The following MDGA2 variants were observed in gnomAD, a reference collection of about 807,000 sequenced individuals.
The protein encoded by MDGA2 is MAM domain-containing glycosylphosphatidylinositol anchor protein 2.
A neutral mutation model predicts 117.8 loss-of-function variants in MDGA2; 40 were observed. The ratio of observed to expected loss-of-function variants is 0.34; its 90% CI spans 0.26 to 0.44. MDGA2 has a LOEUF of 0.44. Ranked by LOEUF, MDGA2 falls within the 20% of genes least tolerant of loss-of-function variation. The pLI, the probability that MDGA2 is intolerant of heterozygous loss-of-function variation, is 1.00. For synonymous variants in MDGA2, 452 were observed against 439.0 expected (o/e 1.03, Z -0.37); for missense variants, 1,123 against 1,250.6 (o/e 0.90, Z 1.54).
chr14:47,552,250 G>A (rs1231443356), intron 1 of MDGA2, among the ~76,000 whole-genome samples: 1 of 152,066 alleles, frequency 6.6e-6, no homozygotes, highest in Non-Finnish European at 1.5e-5. Flanking sequence ...TACCACCTTT[G>A]ACTGTCGTAT....
chr14:47,534,336 G>C lies in MDGA2; in HGVS notation c.280+140181C>G, dbSNP rs576423867. 3.9e-5 allele frequency among the ~76,000 whole-genome samples: 6 copies of C among 152,282 alleles called. No homozygotes were observed. In the South Asian group the frequency reaches 1.2e-3, roughly 32 times the overall value. The stretch of plus-strand genomic sequence containing the variant: ...TGGCTTTAGATTCAATAGCTTTGGT[G>C]CCAACAAAAATAGCAGCTGTATTAG... On this transcript the variant is annotated intron_variant, in intron 1 of 16. Transcript: ENST00000399232.
chr14:47,033,434 G>A (rs1369185493), intron 8 of MDGA2, among the ~76,000 whole-genome samples: 1 of 152,154 alleles, frequency 6.6e-6, no homozygotes, highest in African/African-American at 2.4e-5. Context: ...TCAGAATTCT[G>A]TGTTTACCAA....
chr14:47,077,987 T>C (rs537730531), intron 6 of MDGA2, among the ~76,000 whole-genome samples: 3 of 152,184 alleles, frequency 2.0e-5, no homozygotes, highest in South Asian at 4.1e-4. Flanking sequence ...AACTGCTTAG[T>C]GTAGGCTTAA....
chr14:47,598,501 A>G (rs975228847), intron 1 of MDGA2, among the ~76,000 whole-genome samples: 4 of 152,222 alleles, frequency 2.6e-5, no homozygotes, highest in Non-Finnish European at 4.4e-5. Flanking sequence ...CCATAAAAAT[A>G]ATGAAATTTT....
At chr14:47,532,765 T>C (rs1418093561) in intron 1 of MDGA2, among the ~76,000 whole-genome samples, 1 of 152,216 alleles carries the variant, frequency 6.6e-6, no homozygotes, top group East Asian at 1.9e-4. Context: ...CAAAGTCATT[T>C]TTTAAGGGAA....
At chr14:46,930,631 G>A (rs1162434472) in intron 9 of MDGA2, among the ~76,000 whole-genome samples, 2 of 152,072 alleles carry the variant, frequency 1.3e-5, no homozygotes, top group African/African-American at 2.4e-5. Flanking sequence ...ATGAGAAAGA[G>A]TTAATCACTC....
At chr14:46,890,796 C>A (rs1045293473) in intron 10 of MDGA2, among the ~76,000 whole-genome samples, 1 of 151,888 alleles carries the variant, frequency 6.6e-6, no homozygotes, top group African/African-American at 2.4e-5. Context: ...TTAGTGACAA[C>A]CAAGGGAAAT....
Position 46,885,853 on chromosome 14 carries a change from G to A in MDGA2, c.2239-3632C>T, listed in dbSNP as rs144005789. Among the ~76,000 whole-genome samples, 12 of 152,218 alleles carry A rather than the reference G, an allele frequency of 7.9e-5. 1 individual carries two copies. The highest frequency in any genetic ancestry group is 2.4e-4 in the African/African-American group (10 of 41,542). ...GACGCTGCACATGCCTTGATTGTGC[G>A]TCACATCTGAAGGACTCTGAGTTTA... On this transcript the variant is annotated intron_variant, in intron 10 of 16. Transcript: ENST00000399232.
In MDGA2 at chr14:47,448,131, ATTTATTTTAT is replaced by A. The variant is rs1048022102; in HGVS notation, c.281-146591_281-146582del. Among the ~76,000 whole-genome samples, 466 of 148,366 alleles carry A rather than the reference ATTTATTTTAT, an allele frequency of 3.1e-3. 1 individual carries two copies. The highest frequency in any genetic ancestry group is 0.011 in the African/African-American group (440 of 40,396). On this transcript the variant is annotated intron_variant, in intron 1 of 16. Transcript: ENST00000399232. Reference sequence around the variant, plus strand: ...GCTTTATTTGAGGCCTACTTTATTTATTTATTTTATTTTATTTTATTTTATTTTATTTTTT... The same window carrying A: ...GCTTTATTTGAGGCCTACTTTATTTATTTATTTTATTTTATTTTATTTTTT...
At chr14:47,101,129 AT>A (rs1880296650) in intron 5 of MDGA2, among the ~76,000 whole-genome samples, 1 of 139,980 alleles carries the variant, frequency 7.1e-6, no homozygotes, top group Non-Finnish European at 1.6e-5. Context: ...AGATAGACAG[AT>A]AGATAGAAAG....
At chr14:47,203,428 T>A (rs1885579235) in intron 3 of MDGA2, among the ~76,000 whole-genome samples, 1 of 151,866 alleles carries the variant, frequency 6.6e-6, no homozygotes, top group African/African-American at 2.4e-5. Flanking sequence ...ACAGAGAATG[T>A]TTGAATACAC....
At chr14:46,859,844 T>G (rs67008272) in intron 14 of MDGA2, among the ~76,000 whole-genome samples, 1 of 151,954 alleles carries the variant, frequency 6.6e-6, no homozygotes. Context: ...TTACATATAA[T>G]GTAGTATATA....
chr14:47,661,196 T>C (rs541199963), intron 1 of MDGA2, among the ~76,000 whole-genome samples: 2 of 152,188 alleles, frequency 1.3e-5, no homozygotes, highest in South Asian at 2.1e-4. Context: ...TAAATAAGTA[T>C]AAATACAAGT....
intron 1 of MDGA2, among the ~76,000 whole-genome samples, chr14:47,520,265 C>G (rs1426671940): frequency 6.6e-6 from 1 of 152,174 alleles, no homozygotes; most frequent in Non-Finnish European, 1.5e-5. Context: ...AAAAGTCACT[C>G]TATCCTTCTG....
chr14:47,292,231 G>C (rs1284271856), intron 2 of MDGA2, among the ~76,000 whole-genome samples: 1 of 152,170 alleles, frequency 6.6e-6, no homozygotes, highest in African/African-American at 2.4e-5. Context: ...AGCCTCTGAA[G>C]TTTCTCCTGA....
At chr14:46,924,913 G>A (rs995143599) in intron 9 of MDGA2, among the ~76,000 whole-genome samples, 4 of 152,092 alleles carry the variant, frequency 2.6e-5, no homozygotes, top group East Asian at 1.9e-4. Context: ...AGTGCTGTTG[G>A]TCTTTTTTAC....
chr14:47,410,136 T>G (rs572317350), intron 1 of MDGA2, among the ~76,000 whole-genome samples: 1 of 151,622 alleles, frequency 6.6e-6, no homozygotes, highest in African/African-American at 2.4e-5. Flanking sequence ...CCGTTTTGCA[T>G]TCTAACCACT....
intron 4 of MDGA2, among the ~76,000 whole-genome samples, 172 bp from the exon 5 acceptor site, chr14:47,132,018 CT>C (rs1882230902): frequency 1.3e-5 from 2 of 151,830 alleles, no homozygotes; most frequent in Non-Finnish European, 2.9e-5. Context: ...AATGAACTAA[CT>C]TTAAAATAAC....
At chr14:47,658,103 C>T (rs574793232) in intron 1 of MDGA2, among the ~76,000 whole-genome samples, 1 of 152,260 alleles carries the variant, frequency 6.6e-6, no homozygotes, top group East Asian at 1.9e-4. Flanking sequence ...GTCTCAAACT[C>T]CTGTGACAGT....
Sources: gnomAD v4.1 joint callset for allele counts (sites outside exome capture counted in the v4.1 genomes callset) on GRCh38, gnomAD v4.1.1 for gene constraint, MANE v1.5 for transcripts, NCBI Gene and HGNC (gene_info 2026-07-23, HGNC 2026-07-21) for gene names.